AMPD3: variants seen among roughly 807,000 people sequenced by gnomAD.
AMPD3 encodes the protein adenosine monophosphate deaminase 3, also known as AMP deaminase 3.
In AMPD3, 57 loss-of-function variants were observed where a neutral mutation model predicts 82.3. The ratio of observed to expected loss-of-function variants is 0.69; its 90% confidence interval spans 0.56 to 0.86. AMPD3 has a LOEUF of 0.86. Among genes scored for constraint, AMPD3 ranks in the 40% least tolerant of loss-of-function variants. The pLI, the probability that AMPD3 is intolerant of heterozygous loss-of-function variation, is 0.00. For synonymous variants in AMPD3, 381 were observed against 394.7 expected, an observed-to-expected ratio of 0.97 and a Z score of 0.41; for missense variants, 870 against 1,003.8, an observed-to-expected ratio of 0.87 and a Z score of 1.80.
chr11:10,450,523 C>T (rs1360033606), upstream of AMPD3: 3 of 985,956 alleles, frequency 3.0e-6, no homozygotes, highest in Non-Finnish European at 3.6e-6. Flanking sequence ...CGGGCAAGCC[C>T]GGGCGGCACG....
Position 10,506,872 on chromosome 11 carries a change from C to T in AMPD3, c.*988C>T, listed in dbSNP as rs1182793823. ...CAAATCCTGTCTTTTCCCCACTATTCCATTAGACCCCACAAATGTTAGTTG... is the reference window on the plus strand; with the variant it reads ...CAAATCCTGTCTTTTCCCCACTATTTCATTAGACCCCACAAATGTTAGTTG... On this transcript the variant is annotated 3_prime_UTR_variant, in exon 15 of 15. Coordinates refer to ENST00000396553, the MANE Select transcript of AMPD3 (RefSeq NM_001025389.2). The surrounding 1 kb of genome is among the most constrained non-coding windows in gnomAD (Gnocchi z 4.1). The T allele has an allele frequency of 1.3e-5, 2 of 151,684 alleles. No homozygotes were observed. Among genetic ancestry groups the T allele is most frequent in the Non-Finnish European group, 2.9e-5 (2 of 67,962 alleles). The allele number at this position is 151,684 out of a possible 1,614,324, so 9.4% of individuals were successfully genotyped here.
intron 10 of AMPD3, chr11:10,497,617 T>C: frequency 1.0e-6 from 1 of 985,386 alleles, no homozygotes; most frequent in Non-Finnish European, 1.2e-6. Flanking sequence ...ATTGAGTCTG[T>C]GTGCCCAGAA....
intron 14 of AMPD3, chr11:10,505,503 T>TG (rs922133753): frequency 1.0e-6 from 1 of 962,246 alleles, no homozygotes; most frequent in African/African-American, 1.8e-5. Flanking sequence ...TGTCTGAGGA[T>TG]GACTGAGGTT....
Position 10,456,198 on chromosome 11 carries a change from A to T in AMPD3, c.-6+750A>T, listed in dbSNP as rs191435704. On this transcript the variant is annotated intron_variant, in intron 1 of 14. Coordinates refer to ENST00000396553, the MANE Select transcript of AMPD3 (RefSeq NM_001025389.2). The surrounding 1 kb of genome is among the most constrained non-coding windows in gnomAD (Gnocchi z 4.3). ...ACTCATATTTCATATTCACGAGAGA[A>T]TTTCCAGCCCAGGCTTTTCCTGCTC... The T allele has an allele frequency of 7.0e-7, 1 of 1,427,880 alleles. No individual in the cohort carries two copies. The highest frequency in any genetic ancestry group is 2.5e-5 in the East Asian group (1 of 39,714). 88.5% of individuals were successfully genotyped at this position (1,427,880 alleles called of 1,614,324 possible).
intron 6 of AMPD3, among the ~76,000 whole-genome samples, chr11:10,492,741 C>T (rs1435090647): frequency 6.6e-6 from 1 of 152,124 alleles, no homozygotes; most frequent in Non-Finnish European, 1.5e-5. Flanking sequence ...GTCTGCACAA[C>T]AATGGGATGC....
At chr11:10,486,243 C>T (rs1203970176) in intron 5 of AMPD3, among the ~76,000 whole-genome samples, 1 of 152,158 alleles carries the variant, frequency 6.6e-6, no homozygotes, top group African/African-American at 2.4e-5. Flanking sequence ...TGTGCTCCGT[C>T]CACTCTGGGG....
At chr11:10,474,528 G>T (rs1268247097) in intron 2 of AMPD3, among the ~76,000 whole-genome samples, 1 of 152,178 alleles carries the variant, frequency 6.6e-6, no homozygotes, top group African/African-American at 2.4e-5. Context: ...TAAGGGAGGG[G>T]ACTTAGTGAC....
At position 10,477,887 on chromosome 11, in the gene AMPD3, C is replaced by T. The variant is rs548216511; in HGVS notation, c.222-639C>T. 4 of 985,294 alleles carry T rather than the reference C, an allele frequency of 4.1e-6. No homozygotes were observed. In the African/African-American group the frequency reaches 7.0e-5, roughly 17 times the overall value. 61.0% of individuals were successfully genotyped at this position (985,294 alleles called of 1,614,324 possible). A position where few individuals can be genotyped will look rare whatever the true frequency, so the allele number is the denominator to read the frequency against. ...TCCTTGGCACCCAGTAGGTCTGCTGCCAGCCATGGGGCCTATGATGCCTGT... is the reference window on the plus strand; with the variant it reads ...TCCTTGGCACCCAGTAGGTCTGCTGTCAGCCATGGGGCCTATGATGCCTGT... On this transcript the variant is annotated intron_variant, in intron 2 of 14. Coordinates refer to ENST00000396553, the MANE Select transcript of AMPD3 (RefSeq NM_001025389.2).
At chr11:10,502,033 G>A in intron 12 of AMPD3, 1 of 985,396 alleles carries the variant, frequency 1.0e-6, no homozygotes, top group African/African-American at 1.7e-5. Flanking sequence ...CACTTTGTCT[G>A]TAATTGACTC....
rs1159369951 is a variant in AMPD3 at position 10,500,205 on chromosome 11, G to A, written c.1677G>A (p.Leu559=). ...AGAACCCACCCTACAGCTACTACCT[G>A]TACTACATGTATGCCAACATCATGG... is the stretch of plus-strand genomic sequence containing the variant. The part of the protein sequence containing the change: ...SEQNPPYSYY[L]YYMYANIMVL... The change falls in exon 11 of 15, where the codon CTG becomes CTA. Residue 559 remains leucine (L), a synonymous_variant. Transcript: ENST00000396553. The A allele has an allele frequency of 1.2e-6, 2 of 1,614,108 alleles. No homozygotes were observed. The highest frequency in any genetic ancestry group is 2.7e-5 in the African/African-American group (2 of 74,938).
In AMPD3 at chr11:10,497,021, C is replaced by T. The variant is rs189780577; in HGVS notation, c.1557+83C>T. 220 of 1,536,412 alleles carry T rather than the reference C, an allele frequency of 1.4e-4. 1 individual carries two copies. Among genetic ancestry groups the T allele is most frequent in the Middle Eastern group, 3.4e-4 (2 of 5,918 alleles). ...GCTGTGAGCTGGGTCAGGCTTGCTC[C>T]TGCCCTTCACGATGGTATCTTAGGT... On this transcript the variant is annotated intron_variant, in intron 10 of 14. Coordinates refer to ENST00000396553, the MANE Select transcript of AMPD3 (RefSeq NM_001025389.2).
chr11:10,472,775 G>A (rs1202517330), intron 2 of AMPD3, among the ~76,000 whole-genome samples: 5 of 152,046 alleles, frequency 3.3e-5, no homozygotes, highest in African/African-American at 7.3e-5. Flanking sequence ...AGGCTGAGGC[G>A]GGTGGATCAC....
In AMPD3 at chr11:10,455,372, T is replaced by C; in HGVS notation, c.-82T>C. 2 of 985,194 alleles carry C rather than the reference T, an allele frequency of 2.0e-6. No individual in the cohort carries two copies. Among genetic ancestry groups the C allele is most frequent in the Non-Finnish European group, 2.4e-6 (2 of 829,948 alleles). 61.0% of individuals were successfully genotyped at this position (985,194 alleles called of 1,614,324 possible). A position where few individuals can be genotyped will look rare whatever the true frequency, so the allele number is the denominator to read the frequency against. On this transcript the variant is annotated 5_prime_UTR_variant, in exon 1 of 15. Coordinates refer to ENST00000396553, the MANE Select transcript of AMPD3 (RefSeq NM_001025389.2). ...CTCCTGTGGGTCACTTGAGGCAGGC[T>C]CCACCTTCCCCAGGAGGAGTGGCAG...
chr11:10,467,278 T>G (rs1170387444), intron 2 of AMPD3, among the ~76,000 whole-genome samples: 1 of 152,054 alleles, frequency 6.6e-6, no homozygotes, highest in Admixed American at 6.5e-5. Flanking sequence ...GAAAAAAGGA[T>G]AGATGAATTG....
chr11:10,485,414 TTA>T (rs1849039492), intron 5 of AMPD3, among the ~76,000 whole-genome samples: 1 of 152,086 alleles, frequency 6.6e-6, no homozygotes, highest in Non-Finnish European at 1.5e-5. Flanking sequence ...GGCTAATTTT[TTA>T]TATTTTTAGT....
At chr11:10,472,157 G>A (rs1848611625) in intron 2 of AMPD3, among the ~76,000 whole-genome samples, 1 of 152,168 alleles carries the variant, frequency 6.6e-6, no homozygotes, top group African/African-American at 2.4e-5. Context: ...CATGGATGAA[G>A]CTAGAAACCA....
Position 10,484,906 on chromosome 11 carries a change from G to A in AMPD3, c.676G>A (p.Gly226Arg). 6.2e-7 allele frequency: 1 copy of A among 1,614,066 alleles called. No individual in the cohort carries two copies. Among genetic ancestry groups the A allele is most frequent in the Non-Finnish European group, 8.5e-7 (1 of 1,180,022 alleles). ...PNLDYLVHMQGGILFVYDNKK... is the reference protein window; with the variant it reads ...PNLDYLVHMQRGILFVYDNKK... ...CCTGGATTACTTGGTCCACATGCAG[G>A]GGGGCATCCTCTTTGTGTATGATAA... Residue 226 changes from glycine (G) to arginine (R), a missense_variant, in exon 5 of 15, where the codon GGG becomes AGG. Physicochemically the swap from Gly to Arg is moderately radical, Grantham distance 125 (BLOSUM62 -2). Coordinates refer to ENST00000396553, the MANE Select transcript of AMPD3 (RefSeq NM_001025389.2).
Position 10,456,350 on chromosome 11 carries a change from C to A in AMPD3, c.-6+902C>A, listed in dbSNP as rs371920243. 2.5e-6 allele frequency: 4 copies of A among 1,613,446 alleles called. No homozygotes were observed. In the South Asian group the frequency reaches 4.4e-5, roughly 18 times the overall value. ...CCTGGGTGGCAGGCAGCACCTCACC[C>A]GGGTGCATCACTTGAGTGGCATCTT... On this transcript the variant is annotated intron_variant, in intron 1 of 14. Transcript: ENST00000396553. This position sits in a 1 kb window ranked among gnomAD's most constrained non-coding sequence, Gnocchi z 4.3.
At chr11:10,470,757 A>T (rs1377279839) in intron 2 of AMPD3, among the ~76,000 whole-genome samples, 2 of 152,214 alleles carry the variant, frequency 1.3e-5, no homozygotes, top group Non-Finnish European at 2.9e-5. Context: ...CTTACAAGGG[A>T]TGTGAAGGAC....
Sources: gnomAD v4.1 joint callset for allele counts (sites outside exome capture counted in the v4.1 genomes callset) on GRCh38, gnomAD v4.1.1 for gene constraint, Gnocchi (gnomAD v3.1) non-coding constraint, MANE v1.5 for transcripts, NCBI Gene and HGNC (gene_info 2026-07-23, HGNC 2026-07-21) for gene names.